Variants in NUP188 observed in about 807,000 individuals in gnomAD.
The protein encoded by NUP188 is nucleoporin NUP188.
In NUP188, 97 loss-of-function variants were observed where a neutral mutation model predicts 223.0. That is an observed-to-expected ratio of 0.43 (90% CI 0.37 to 0.51). The LOEUF is 0.51. NUP188 is among the 20% of genes least tolerant of loss of function. NUP188 has a pLI of 0.00. For missense variants in NUP188, 1,947 were observed against 2,175.6 expected (o/e 0.89, Z 2.09); for synonymous variants, 869 against 828.0 (o/e 1.05, Z -0.85).
chr9:128,987,841 C>A, intron 23 of NUP188, 124 bp downstream of exon 23: 1 of 1,300,794 alleles, frequency 7.7e-7, no homozygotes, highest in Non-Finnish European at 1.1e-6. Flanking sequence ...TAGGACATAG[C>A]CTTTACATAC....
At chr9:128,989,969 G>C in intron 24 of NUP188, 151 bp from the exon 25 acceptor site, 1 of 662,558 alleles carries the variant, frequency 1.5e-6, no homozygotes, top group Non-Finnish European at 2.7e-6. Flanking sequence ...ATCAAGAGAA[G>C]GATACAGCCA....
intron 25 of NUP188, among the ~76,000 whole-genome samples, chr9:128,992,942 TG>T (rs1294795879): frequency 6.6e-6 from 1 of 152,248 alleles, no homozygotes; most frequent in East Asian, 1.9e-4. Context: ...AGCAAAAAAA[TG>T]TTTCACTTTT....
chr9:128,998,239 C>A lies in NUP188; in HGVS notation c.3429+11C>A. 1 of 1,608,946 alleles carries A rather than the reference C, an allele frequency of 6.2e-7. No individual in the cohort carries two copies. The highest frequency in any genetic ancestry group is 8.5e-7 in the Non-Finnish European group (1 of 1,175,296). On this transcript the variant is annotated intron_variant, in intron 31 of 43. Transcript: ENST00000372577. ...GGAACCAAAGCATTAGTAAGTGTGT[C>A]TGGGAGATTTTACATTTCTCCCAGG... is the stretch of plus-strand genomic sequence containing the variant.
intron 2 of NUP188, 72 bp downstream of exon 2, chr9:128,949,315 T>G: frequency 9.2e-7 from 1 of 1,086,178 alleles, no homozygotes; most frequent in Non-Finnish European, 1.4e-6. Context: ...AAAACCTTTT[T>G]TTAAATGTAG....
At chr9:128,995,020 G>C (rs1308571081) in intron 29 of NUP188, 97 bp downstream of exon 29, 1 of 897,908 alleles carries the variant, frequency 1.1e-6, no homozygotes, top group East Asian at 2.4e-5. Context: ...CCAAGGCAGA[G>C]GAGAGAACTG....
Position 128,986,577 on chromosome 9 carries a change from A to G in NUP188, c.2096A>G (p.Gln699Arg), listed in dbSNP as rs933233259. The change falls in exon 21 of 44, where the codon CAG becomes CGG. Residue 699 changes from glutamine to arginine, a missense_variant. Coordinates refer to ENST00000372577, the MANE Select transcript of NUP188 (RefSeq NM_015354.3). ...TLVKGQLGST[Q>R]SQGLVPCVMF... ...TTGTAGGGGCAACTTGGTAGTACCC[A>G]GAGCCAAGGACTTGTACCCTGTGTA... is the stretch of plus-strand genomic sequence containing the variant. 2 of 1,614,016 alleles carry G rather than the reference A, an allele frequency of 1.2e-6. No homozygotes were observed. Among genetic ancestry groups the G allele is most frequent in the Non-Finnish European group, 1.7e-6 (2 of 1,180,024 alleles).
intron 20 of NUP188, among the ~76,000 whole-genome samples, chr9:128,986,162 T>C (rs1842330744): frequency 6.6e-6 from 1 of 152,194 alleles, no homozygotes; most frequent in Non-Finnish European, 1.5e-5. Flanking sequence ...TATCAGATTT[T>C]TGCATATCAG....
Position 128,993,250 on chromosome 9 carries a change from T to C in NUP188, c.2694T>C (p.Arg898=), listed in dbSNP as rs749905125. Reference sequence around the variant, plus strand: ...TGGGCAATGATGCGGCTGCCATTCGTGATGCCTTCCTGACCCGATTGCAGA... The same window carrying C: ...TGGGCAATGATGCGGCTGCCATTCGCGATGCCTTCCTGACCCGATTGCAGA... The part of the protein sequence containing the change: ...ACLGNDAAAI[R]DAFLTRLQSK... The change falls in exon 26 of 44, where the codon CGT becomes CGC. Residue 898 remains arginine (R), a synonymous_variant. Transcript: ENST00000372577. The C allele has an allele frequency of 9.3e-6, 15 of 1,614,104 alleles. No individual in the cohort carries two copies. Among genetic ancestry groups the C allele is most frequent in the Non-Finnish European group, 1.2e-5 (14 of 1,180,042 alleles).
In NUP188 at chr9:128,999,202, A is replaced by C. The variant is rs1457475514; in HGVS notation, c.3546A>C (p.Gly1182=). The change falls in exon 33 of 44, where the codon GGA becomes GGC. Residue 1182 remains glycine (G), a synonymous_variant. Transcript: ENST00000372577. ...TAGGTTCTGTGGATGAAATCCTTGG[A>C]CCCTTGACGGAGATCCTGGAGGGAG... is the stretch of plus-strand genomic sequence containing the variant. ...RELGSVDEIL[G]PLTEILEGVL... 1 of 1,613,414 alleles carries C rather than the reference A, an allele frequency of 6.2e-7. No homozygotes were observed. Among genetic ancestry groups the C allele is most frequent in the Non-Finnish European group, 8.5e-7 (1 of 1,179,886 alleles).
chr9:128,998,651 C>G, intron 32 of NUP188, 28 bp downstream of exon 32: 2 of 1,576,228 alleles, frequency 1.3e-6, no homozygotes, highest in Non-Finnish European at 1.7e-6. Flanking sequence ...GAGGCAAGCC[C>G]GAGGCCAGAG....
chr9:128,985,762 C>T (rs909434622), intron 20 of NUP188, among the ~76,000 whole-genome samples: 1 of 152,190 alleles, frequency 6.6e-6, no homozygotes, highest in Non-Finnish European at 1.5e-5. Context: ...AGGCTGGGTG[C>T]AGTGATTCAT....
intron 26 of NUP188, 32 bp downstream of exon 26, chr9:128,993,435 T>C: frequency 6.2e-7 from 1 of 1,612,392 alleles, no homozygotes; most frequent in Non-Finnish European, 8.5e-7. Context: ...ACACTGGGAG[T>C]TGGCTCACTG....
At chr9:128,949,393 C>T (rs1162765988) in intron 2 of NUP188, 150 bp downstream of exon 2, 11 of 593,734 alleles carry the variant, frequency 1.9e-5, no homozygotes, top group Admixed American at 8.5e-5. Context: ...AGTGCAATGG[C>T]GTGATCTCGG....
chr9:129,006,566 G>T lies in NUP188; in HGVS notation c.5138G>T (p.Gly1713Val). 1 of 1,614,170 alleles carries T rather than the reference G, an allele frequency of 6.2e-7. No homozygotes were observed. Among genetic ancestry groups the T allele is most frequent in the Non-Finnish European group, 8.5e-7 (1 of 1,180,022 alleles). Residue 1713 changes from glycine (G) to valine (V), a missense_variant, in exon 44 of 44, where the codon GGT becomes GTT. Around this residue, in one of 3 missense-constraint regions of NUP188, gnomAD observed 905 missense variants for 990.6 expected, o/e 0.91. Coordinates refer to ENST00000372577, the MANE Select transcript of NUP188 (RefSeq NM_015354.3). ...RRGAPSSPAT[G>V]VLPSPQGKST... Reference sequence around the variant, plus strand: ...GGAGCCCCCAGCTCCCCTGCCACTGGTGTCCTCCCCTCGCCGCAGGGCAAG... The same window carrying T: ...GGAGCCCCCAGCTCCCCTGCCACTGTTGTCCTCCCCTCGCCGCAGGGCAAG...
chr9:129,003,622 T>G (rs1427827471), intron 38 of NUP188, 168 bp downstream of exon 38: 1 of 819,126 alleles, frequency 1.2e-6, no homozygotes, highest in South Asian at 1.4e-5. Context: ...GCTAAATGTT[T>G]CCTTCCATAG....
chr9:129,006,790 C>G lies in NUP188; in HGVS notation c.*112C>G, dbSNP rs1373776825. On this transcript the variant is annotated 3_prime_UTR_variant, in exon 44 of 44. Transcript: ENST00000372577. ...TACAATGGAGGGCACCTCCTGTCAC[C>G]CCCCTCCCGGAGTAGCCACGACTCC... 1 of 1,161,610 alleles carries G rather than the reference C, an allele frequency of 8.6e-7. No individual in the cohort carries two copies. Among genetic ancestry groups the G allele is most frequent in the Non-Finnish European group, 1.2e-6 (1 of 843,314 alleles). The allele number at this position is 1,161,610 out of a possible 1,614,324, so 72.0% of individuals were successfully genotyped here. A position where few individuals can be genotyped will look rare whatever the true frequency, so the allele number is the denominator to read the frequency against.
At chr9:129,003,587 G>T (rs1842717344) in intron 38 of NUP188, 133 bp downstream of exon 38, 1 of 1,076,420 alleles carries the variant, frequency 9.3e-7, no homozygotes, top group Non-Finnish European at 1.4e-6. Flanking sequence ...GGGAGCACAG[G>T]GTTTGCTGTC....
intron 33 of NUP188, 31 bp from the exon 34 acceptor site, chr9:128,999,593 A>G: frequency 6.2e-7 from 1 of 1,600,424 alleles, no homozygotes; most frequent in Non-Finnish European, 8.6e-7. Context: ...CCTGGTGAGC[A>G]TGACAGTGTC....
rs1263327372 is a variant in NUP188, at chr9:129,003,855, C to T, written c.4434+401C>T. 3.2e-5 allele frequency: 10 copies of T among 308,968 alleles called. No homozygotes were observed. The Admixed American group carries it at 5.2e-4, about 16-fold the overall frequency. The allele number at this position is 308,968 out of a possible 1,614,324, so 19.1% of individuals were successfully genotyped here. A position where few individuals can be genotyped will look rare whatever the true frequency, so the allele number is the denominator to read the frequency against. On this transcript the variant is annotated intron_variant, in intron 38 of 43. Transcript: ENST00000372577. ...GGGCGTGGTGGCACGTGACTGTAAT[C>T]CCAGCTACTCGGGAGGCTGAGTTGG...
Sources: allele counts gnomAD v4.1 joint callset (sites outside exome capture counted in the v4.1 genomes callset), GRCh38; gene constraint gnomAD v4.1.1; regional missense constraint gnomAD v4.1.1; transcripts MANE v1.5; gene names NCBI Gene and HGNC (gene_info 2026-07-23, HGNC 2026-07-21).